The following PRNP variants were observed in gnomAD, a reference collection of about 807,000 sequenced individuals.
PRNP encodes major prion protein.
A neutral mutation model predicts 21.3 loss-of-function variants in PRNP; 15 were observed. The ratio of observed to expected loss-of-function variants is 0.71; its 90% CI spans 0.47 to 1.09. The LOEUF (loss-of-function observed/expected upper bound fraction) is 1.09, where lower values mean the gene tolerates loss of function less well. Among genes scored for constraint, PRNP ranks in the 50% least tolerant of loss-of-function variants. The pLI is 0.00. For missense variants in PRNP, 285 were observed against 340.9 expected, an observed-to-expected ratio of 0.84 and a Z score of 1.29; for synonymous variants, 121 against 123.1, an observed-to-expected ratio of 0.98 and a Z score of 0.11.
At chr20:4,688,812 A>G (rs1294011287) in intron 1 of PRNP, among the ~76,000 whole-genome samples, 2 of 152,248 alleles carry the variant, frequency 1.3e-5, no homozygotes, top group Non-Finnish European at 2.9e-5. Context: ...AAGGAAAAGC[A>G]CAGAAAATGG....
rs761172095 is a variant in PRNP at position 4,699,399 on chromosome 20, C to T, written c.179C>T (p.Pro60Leu). ...PPQGGGGWGQ[P>L]HGGGWGQPHG... ...CAGGGCGGTGGTGGCTGGGGGCAGC[C>T]TCATGGTGGTGGCTGGGGGCAGCCT... is the stretch of plus-strand genomic sequence containing the variant. Residue 60 changes from proline to leucine, a missense_variant, in exon 2 of 2, where the codon CCT becomes CTT. Pro to Leu is a moderately conservative substitution (Grantham distance 98). Coordinates refer to ENST00000379440, the MANE Select transcript of PRNP (RefSeq NM_000311.5). This position sits in a 1 kb window ranked among gnomAD's most constrained non-coding sequence, Gnocchi z 5.8. The T allele has an allele frequency of 6.2e-7, 1 of 1,607,848 alleles. No homozygotes were observed.
rs748227837 is a variant in PRNP at position 4,699,225 on chromosome 20, C to T, written c.5C>T (p.Ala2Val). 30 of 1,613,912 alleles carry T rather than the reference C, an allele frequency of 1.9e-5. No individual in the cohort carries two copies. The highest frequency in any genetic ancestry group is 2.7e-5 in the African/African-American group (2 of 74,924). ...TCATTTTGCAGAGCAGTCATTATGG[C>T]GAACCTTGGCTGCTGGATGCTGGTT... Reference protein sequence around the residue: MANLGCWMLVLF... With the variant: MVNLGCWMLVLF... Residue 2 changes from alanine (A) to valine (V), a missense_variant, in exon 2 of 2, where the codon GCG (alanine) becomes GTG (valine). Transcript: ENST00000379440. This position sits in a 1 kb window ranked among gnomAD's most constrained non-coding sequence, Gnocchi z 5.8.
At chr20:4,690,165 A>C (rs956145616) in intron 1 of PRNP, among the ~76,000 whole-genome samples, 19 of 152,190 alleles carry the variant, frequency 1.2e-4, no homozygotes, top group African/African-American at 4.6e-4. Flanking sequence ...TTTTCAGCTT[A>C]CATCAAGTTC....
At chr20:4,687,859 T>C (rs1348890882) in intron 1 of PRNP, among the ~76,000 whole-genome samples, 1 of 152,246 alleles carries the variant, frequency 6.6e-6, no homozygotes, top group African/African-American at 2.4e-5. Flanking sequence ...TTTACAAATA[T>C]AATTATCAAA....
rs753586407 is a variant in PRNP, at chr20:4,700,044, C to T, written c.*62C>T. 5.0e-5 allele frequency: 77 copies of T among 1,554,072 alleles called. No individual in the cohort carries two copies. Among genetic ancestry groups the T allele is most frequent in the Non-Finnish European group, 6.2e-5 (71 of 1,148,442 alleles). On this transcript the variant is annotated 3_prime_UTR_variant, in exon 2 of 2. Coordinates refer to ENST00000379440, the MANE Select transcript of PRNP (RefSeq NM_000311.5). This position sits in a 1 kb window ranked among gnomAD's most constrained non-coding sequence, Gnocchi z 4.1. Reference sequence around the variant, plus strand: ...TTTCCAGCTTGAGGGAGGCGGTATCCACCTGCAGCCCTTTTAGTGGTGGTG... The same window carrying T: ...TTTCCAGCTTGAGGGAGGCGGTATCTACCTGCAGCCCTTTTAGTGGTGGTG...
intron 1 of PRNP, among the ~76,000 whole-genome samples, chr20:4,696,862 G>A (rs556359449): frequency 6.6e-6 from 1 of 152,258 alleles, no homozygotes; most frequent in South Asian, 2.1e-4. Flanking sequence ...AAAGTTGTCT[G>A]GCCTCACCCA....
intron 1 of PRNP, among the ~76,000 whole-genome samples, chr20:4,687,925 G>C (rs758083660): frequency 6.6e-6 from 1 of 152,166 alleles, no homozygotes. Flanking sequence ...AATCAACAAC[G>C]CTCTTAGATT....
intron 1 of PRNP, among the ~76,000 whole-genome samples, chr20:4,689,054 T>G (rs1317746991): frequency 6.6e-6 from 1 of 152,218 alleles, no homozygotes; most frequent in Admixed American, 6.5e-5. Context: ...TGATTAATGA[T>G]TTAGTAATTT....
chr20:4,699,195 C>T lies in PRNP; in HGVS notation c.-10-16C>T, dbSNP rs781013907. On this transcript the variant is annotated splice_polypyrimidine_tract_variant and intron_variant, in intron 1 of 1. Coordinates refer to ENST00000379440, the MANE Select transcript of PRNP (RefSeq NM_000311.5). The surrounding 1 kb of genome is among the most constrained non-coding windows in gnomAD (Gnocchi z 5.8). ...CATAAATATGGGACTCTGACGTTCT[C>T]CTCTTCATTTTGCAGAGCAGTCATT... is the stretch of plus-strand genomic sequence containing the variant. The T allele has an allele frequency of 1.9e-6, 3 of 1,613,502 alleles. No homozygotes were observed. The highest frequency in any genetic ancestry group is 1.3e-5 in the African/African-American group (1 of 74,936).
At position 4,701,531 on chromosome 20, in the gene PRNP, A is replaced by T. The variant is rs1248330852; in HGVS notation, c.*1549A>T. On this transcript the variant is annotated 3_prime_UTR_variant, in exon 2 of 2. Coordinates refer to ENST00000379440, the MANE Select transcript of PRNP (RefSeq NM_000311.5). The surrounding 1 kb of genome is among the most constrained non-coding windows in gnomAD (Gnocchi z 4.2). Reference sequence around the variant, plus strand: ...TTTGCATGTTCTTGTTTTGTTATATAAAAAAATTGTAAATGTTTAATATCT... The same window carrying T: ...TTTGCATGTTCTTGTTTTGTTATATTAAAAAATTGTAAATGTTTAATATCT... 2 of 166,668 alleles carry T rather than the reference A, an allele frequency of 1.2e-5. No individual in the cohort carries two copies. Among genetic ancestry groups the T allele is most frequent in the Non-Finnish European group, 2.9e-5 (2 of 68,106 alleles). The allele number at this position is 166,668 out of a possible 1,614,324, so 10.3% of individuals were successfully genotyped here. A position where few individuals can be genotyped will look rare whatever the true frequency, so the allele number is the denominator to read the frequency against.
chr20:4,691,718 C>G (rs1921838776), intron 1 of PRNP, among the ~76,000 whole-genome samples: 1 of 152,136 alleles, frequency 6.6e-6, no homozygotes, highest in Non-Finnish European at 1.5e-5. Context: ...TTGGCCTATA[C>G]TGCCATTTTC....
At chr20:4,688,890 G>A (rs1228466999) in intron 1 of PRNP, among the ~76,000 whole-genome samples, 2 of 152,182 alleles carry the variant, frequency 1.3e-5, no homozygotes, top group South Asian at 2.1e-4. Context: ...CACTAAGGGC[G>A]TTTAAAAAAT....
chr20:4,697,172 A>G lies in PRNP; in HGVS notation c.-10-2039A>G, dbSNP rs1268841934. On this transcript the variant is annotated intron_variant, in intron 1 of 1. Coordinates refer to ENST00000379440, the MANE Select transcript of PRNP (RefSeq NM_000311.5). The surrounding 1 kb of genome is among the most constrained non-coding windows in gnomAD (Gnocchi z 4.6). ...AAAATACTATTTTGTAAATTTATAAATATGGTTCTCTTTGTATATCCATTA... is the reference window on the plus strand; with the variant it reads ...AAAATACTATTTTGTAAATTTATAAGTATGGTTCTCTTTGTATATCCATTA... 2.6e-5 allele frequency among the ~76,000 whole-genome samples: 4 copies of G among 152,228 alleles called. No homozygotes were observed. Among genetic ancestry groups the G allele is most frequent in the African/African-American group, 9.6e-5 (4 of 41,454 alleles).
Position 4,686,983 on chromosome 20 carries a change from G to A in PRNP, c.-11+471G>A, listed in dbSNP as rs13044114. Among the ~76,000 whole-genome samples, 2 of 151,822 alleles carry A rather than the reference G, an allele frequency of 1.3e-5. No individual in the cohort carries two copies. The highest frequency in any genetic ancestry group is 4.8e-5 in the African/African-American group (2 of 41,388). On this transcript the variant is annotated intron_variant, in intron 1 of 1. Coordinates refer to ENST00000379440, the MANE Select transcript of PRNP (RefSeq NM_000311.5). The surrounding 1 kb of genome is among the most constrained non-coding windows in gnomAD (Gnocchi z 6.7). The stretch of plus-strand genomic sequence containing the variant: ...CCCCGCCCGTTGGCCGCCCCTCGGA[G>A]GCCGAGATCGGGGCCCAGAACGCCC...
rs776922173 is a variant in PRNP at position 4,699,445 on chromosome 20, G to A, written c.225G>A (p.Gln75=). The change falls in exon 2 of 2, where the codon CAG becomes CAA. Residue 75 remains glutamine (Q), a synonymous_variant. Transcript: ENST00000379440. This position sits in a 1 kb window ranked among gnomAD's most constrained non-coding sequence, Gnocchi z 5.8. ...AGCCTCATGGTGGTGGCTGGGGGCA[G>A]CCCCATGGTGGTGGCTGGGGACAGC... ...WGQPHGGGWG[Q]PHGGGWGQPH... 31 of 1,610,866 alleles carry A rather than the reference G, an allele frequency of 1.9e-5. No individual in the cohort carries two copies. The highest frequency in any genetic ancestry group is 1.7e-4 in the Middle Eastern group (1 of 5,930).
At position 4,699,748 on chromosome 20, in the gene PRNP, G is replaced by A. The variant is rs760899843; in HGVS notation, c.528G>A (p.Val176=). Residue 176 remains valine (V), a synonymous_variant, in exon 2 of 2, where the codon GTG becomes GTA. Transcript: ENST00000379440. The surrounding 1 kb of genome is among the most constrained non-coding windows in gnomAD (Gnocchi z 5.8). ...AGTACAGCAACCAGAACAACTTTGT[G>A]CACGACTGCGTCAATATCACAATCA... ...MDEYSNQNNF[V]HDCVNITIKQ... is the part of the protein sequence containing the mutation. The A allele has an allele frequency of 2.0e-5, 32 of 1,613,862 alleles. No homozygotes were observed. The highest frequency in any genetic ancestry group is 2.4e-5 in the Non-Finnish European group (28 of 1,180,008).
Position 4,700,271 on chromosome 20 carries a change from G to C in PRNP, c.*289G>C. The C allele has an allele frequency of 2.3e-6, 2 of 876,888 alleles. No homozygotes were observed. Among genetic ancestry groups the C allele is most frequent in the Non-Finnish European group, 3.5e-6 (2 of 569,218 alleles). The allele number at this position is 876,888 out of a possible 1,614,324, so 54.3% of individuals were successfully genotyped here. On this transcript the variant is annotated 3_prime_UTR_variant, in exon 2 of 2. Coordinates refer to ENST00000379440, the MANE Select transcript of PRNP (RefSeq NM_000311.5). This position sits in a 1 kb window ranked among gnomAD's most constrained non-coding sequence, Gnocchi z 4.1. ...TAATCTGGACTTATTTTTGGACTTA[G>C]TGCAACAGGTTGAGGCTAAAACAAA... is the stretch of plus-strand genomic sequence containing the variant.
intron 1 of PRNP, among the ~76,000 whole-genome samples, chr20:4,692,377 G>C (rs2025114): frequency 0.05 from 7,662 of 152,188 alleles, 214 homozygotes; most frequent in Admixed American, 0.085. Context: ...CTACCACCCT[G>C]TTGAGCTCAT....
At chr20:4,689,464 G>A (rs1393185681) in intron 1 of PRNP, among the ~76,000 whole-genome samples, 1 of 152,170 alleles carries the variant, frequency 6.6e-6, no homozygotes, top group South Asian at 2.1e-4. Context: ...ATGTAAGGGA[G>A]CAGCCATTTT....
Sources: allele counts gnomAD v4.1 joint callset (sites outside exome capture counted in the v4.1 genomes callset), GRCh38; gene constraint gnomAD v4.1.1; non-coding constraint Gnocchi (gnomAD v3.1); transcripts MANE v1.5; gene names NCBI Gene and HGNC (gene_info 2026-07-23, HGNC 2026-07-21).